The following PLBD2 variants were observed in gnomAD, a reference collection of about 807,000 sequenced individuals.
PLBD2 encodes putative aminopeptidase PLBD2.
A neutral mutation model predicts 68.3 loss-of-function variants in PLBD2; 51 were observed. The ratio of observed to expected loss-of-function variants is 0.75; its 90% CI spans 0.60 to 0.94. The LOEUF (loss-of-function observed/expected upper bound fraction) is 0.94, where lower values mean the gene tolerates loss of function less well. Ranked by LOEUF, PLBD2 falls within the 40% of genes least tolerant of loss-of-function variation. PLBD2 has a pLI of 0.00. For missense variants in PLBD2, 729 were observed against 792.2 expected, an observed-to-expected ratio of 0.92 and a Z score of 0.96; for synonymous variants, 314 against 339.3, an observed-to-expected ratio of 0.93 and a Z score of 0.82.
At chr12:113,387,630 G>C in intron 10 of PLBD2, 114 bp from the exon 11 acceptor site, 1 of 1,170,896 alleles carries the variant, frequency 8.5e-7, no homozygotes, top group Non-Finnish European at 1.2e-6. Flanking sequence ...AGTGGGAGGG[G>C]CTCATCAAGT....
chr12:113,366,119 G>T (rs1189873495), intron 1 of PLBD2, among the ~76,000 whole-genome samples: 1 of 152,142 alleles, frequency 6.6e-6, no homozygotes, highest in Non-Finnish European at 1.5e-5. Flanking sequence ...GCATTTTTGA[G>T]TCTTTCCCTC....
rs1313368611 is a variant in PLBD2, at chr12:113,384,959, G to T, written c.1214+13G>T. 6 of 1,605,798 alleles carry T rather than the reference G, an allele frequency of 3.7e-6. No homozygotes were observed. The highest frequency in any genetic ancestry group is 1.1e-5 in the South Asian group (1 of 90,172). On this transcript the variant is annotated intron_variant, in intron 8 of 11. Transcript: ENST00000280800. The surrounding 1 kb of genome is among the most constrained non-coding windows in gnomAD (Gnocchi z 4.2). Reference sequence around the variant, plus strand: ...TGGAGCAGATCCCGTGCGTACCCTGGGAGGGAGGGGTGGGGGCTCGGGGCA... The same window carrying T: ...TGGAGCAGATCCCGTGCGTACCCTGTGAGGGAGGGGTGGGGGCTCGGGGCA...
chr12:113,362,021 C>T (rs1236164286), intron 1 of PLBD2, among the ~76,000 whole-genome samples: 1 of 152,120 alleles, frequency 6.6e-6, no homozygotes, highest in East Asian at 1.9e-4. Flanking sequence ...TTTCTTTGAA[C>T]AATCACAGGA....
rs1230175305 is a variant in PLBD2, at chr12:113,384,534, T to C, written c.1118+269T>C. On this transcript the variant is annotated intron_variant, in intron 7 of 11. Coordinates refer to ENST00000280800, the MANE Select transcript of PLBD2 (RefSeq NM_173542.4). This position sits in a 1 kb window ranked among gnomAD's most constrained non-coding sequence, Gnocchi z 4.2. ...CTCTCAAGGGGACAGTGGGGAGGGCTGTTTGAGGAGGTGGACGTGGGTGGG... is the reference window on the plus strand; with the variant it reads ...CTCTCAAGGGGACAGTGGGGAGGGCCGTTTGAGGAGGTGGACGTGGGTGGG... 2.0e-5 allele frequency among the ~76,000 whole-genome samples: 3 copies of C among 152,036 alleles called. No individual in the cohort carries two copies. Among genetic ancestry groups the C allele is most frequent in the Non-Finnish European group, 4.4e-5 (3 of 67,988 alleles).
At position 113,374,526 on chromosome 12, in the gene PLBD2, G is replaced by C. The variant is rs757476461; in HGVS notation, c.596G>C (p.Arg199Pro). Residue 199 changes from arginine (R) to proline (P), a missense_variant, in exon 4 of 12, where the codon CGT (arginine) becomes CCT (proline). Physicochemically the swap from Arg to Pro is moderately radical, Grantham distance 103. Transcript: ENST00000280800. ...GGCCTGGAGGACAGCTACGAAGGCC[G>C]TGTGAGCTTCCCAGCTGGGAAGTTC... Reference protein sequence around the residue: ...LKGLEDSYEGRVSFPAGKFTI... With the variant: ...LKGLEDSYEGPVSFPAGKFTI... 2 of 1,606,618 alleles carry C rather than the reference G, an allele frequency of 1.2e-6. No homozygotes were observed. The highest frequency in any genetic ancestry group is 1.7e-6 in the Non-Finnish European group (2 of 1,177,172).
chr12:113,376,309 G>A (rs568570208), intron 5 of PLBD2, among the ~76,000 whole-genome samples: 9 of 151,768 alleles, frequency 5.9e-5, no homozygotes, highest in South Asian at 4.2e-4. Context: ...GATTATAGGC[G>A]CGCACCACTG....
intron 11 of PLBD2, 84 bp downstream of exon 11, chr12:113,387,990 G>C: frequency 6.7e-7 from 1 of 1,498,876 alleles, no homozygotes; most frequent in Non-Finnish European, 9.2e-7. Flanking sequence ...TTGGGGCAAA[G>C]CTGATGGCGG....
chr12:113,388,924 G>A lies in PLBD2; in HGVS notation c.*298G>A, dbSNP rs1004565083. ...TCTCAACCTCATTCCCACCTCTGGG[G>A]CCCCTTCCTCGTGCTTCTCCTTCCT... On this transcript the variant is annotated 3_prime_UTR_variant, in exon 12 of 12. Transcript: ENST00000280800. 1.4e-4 allele frequency: 37 copies of A among 259,294 alleles called. No homozygotes were observed. The highest frequency in any genetic ancestry group is 7.8e-4 in the African/African-American group (35 of 44,984). 16.1% of individuals were successfully genotyped at this position (259,294 alleles called of 1,614,324 possible).
Position 113,387,019 on chromosome 12 carries a change from C to T in PLBD2, c.1369C>T (p.Pro457Ser), listed in dbSNP as rs1380239057. 6.2e-7 allele frequency: 1 copy of T among 1,612,350 alleles called. No individual in the cohort carries two copies. The highest frequency in any genetic ancestry group is 1.1e-5 in the South Asian group (1 of 90,584). Residue 457 changes from proline to serine, a missense_variant, in exon 10 of 12, where the codon CCC (proline) becomes TCC (serine). Pro to Ser is a moderately conservative substitution (Grantham distance 74). Coordinates refer to ENST00000280800, the MANE Select transcript of PLBD2 (RefSeq NM_173542.4). ...GGACTGGTTTTCTTATGACGGGAGC[C>T]CCCGGGCCCAGATCTTCCGGCGGAA... The part of the protein sequence containing the change: ...YGDWFSYDGS[P>S]RAQIFRRNQS...
intron 1 of PLBD2, among the ~76,000 whole-genome samples, chr12:113,365,404 C>T (rs530562379): frequency 2.0e-5 from 3 of 151,776 alleles, no homozygotes; most frequent in Non-Finnish European, 4.4e-5. Context: ...TTACTGTAAC[C>T]TCCCGGGTTC....
At chr12:113,368,325 C>G (rs1593280919) in intron 1 of PLBD2, among the ~76,000 whole-genome samples, 1 of 152,316 alleles carries the variant, frequency 6.6e-6, no homozygotes, top group East Asian at 1.9e-4. Context: ...GCAGCTTAAA[C>G]CAACAACATT....
chr12:113,388,266 C>T (rs1415756557), intron 11 of PLBD2, among the ~76,000 whole-genome samples, 193 bp from the exon 12 acceptor site: 8 of 151,904 alleles, frequency 5.3e-5, no homozygotes, highest in African/African-American at 1.9e-4. Flanking sequence ...TGCTTGAACC[C>T]GGGAGGCAGA....
chr12:113,372,506 G>T lies in PLBD2; in HGVS notation c.385-143G>T. The stretch of plus-strand genomic sequence containing the variant: ...GGGGCAGAGCTGGGCAGGGAGAGGA[G>T]CCTCCAGGGAGAGGACAGCATGAGC... On this transcript the variant is annotated intron_variant, in intron 2 of 11. Transcript: ENST00000280800. The surrounding 1 kb of genome is among the most constrained non-coding windows in gnomAD (Gnocchi z 4.2). 1.1e-6 allele frequency: 1 copy of T among 890,550 alleles called. No homozygotes were observed. Among genetic ancestry groups the T allele is most frequent in the Non-Finnish European group, 1.7e-6 (1 of 583,210 alleles). 55.2% of individuals were successfully genotyped at this position (890,550 alleles called of 1,614,324 possible). A position where few individuals can be genotyped will look rare whatever the true frequency, so the allele number is the denominator to read the frequency against.
rs772064239 is a variant in PLBD2, at chr12:113,385,213, G to A, written c.1216G>A (p.Gly406Ser). ...RVLTILEQIPGMVVVADKTSE... is the reference protein window; with the variant it reads ...RVLTILEQIPSMVVVADKTSE... ...CCCCATCTCTCTTCTCGGTCTCAGC[G>A]GCATGGTGGTGGTGGCTGACAAGAC... is the stretch of plus-strand genomic sequence containing the variant. The change falls in exon 9 of 12, where the codon GGC becomes AGC. Residue 406 changes from glycine (G) to serine (S), a missense_variant and splice_region_variant. Physicochemically the swap from Gly to Ser is moderately conservative, Grantham distance 56 (BLOSUM62 0). Transcript: ENST00000280800. 1.1e-5 allele frequency: 18 copies of A among 1,614,126 alleles called. No individual in the cohort carries two copies. In the South Asian group the frequency reaches 1.3e-4, roughly 12 times the overall value.
At chr12:113,362,691 C>A (rs1413554759) in intron 1 of PLBD2, among the ~76,000 whole-genome samples, 4 of 151,790 alleles carry the variant, frequency 2.6e-5, no homozygotes, top group Non-Finnish European at 5.9e-5. Flanking sequence ...CAATATTTGT[C>A]AACCCCTGTC....
At chr12:113,374,163 G>C (rs1282127389) in intron 3 of PLBD2, among the ~76,000 whole-genome samples, 1 of 152,200 alleles carries the variant, frequency 6.6e-6, no homozygotes, top group Non-Finnish European at 1.5e-5. Flanking sequence ...AACAGGAGCA[G>C]TTGGCAAGAG....
intron 3 of PLBD2, among the ~76,000 whole-genome samples, chr12:113,373,405 A>G (rs1957406877): frequency 1.3e-5 from 2 of 152,178 alleles, no homozygotes; most frequent in South Asian, 4.1e-4. Flanking sequence ...GTGGCCATCA[A>G]TGCCTGTTAG....
Position 113,384,284 on chromosome 12 carries a change from C to T in PLBD2, c.1118+19C>T. The T allele has an allele frequency of 6.3e-7, 1 of 1,598,038 alleles. No individual in the cohort carries two copies. Among genetic ancestry groups the T allele is most frequent in the Non-Finnish European group, 8.5e-7 (1 of 1,170,960 alleles). ...GCGGCACGTGAGTGGGCTTCTGGCCCTGTGGCTTCCCCTGCACCAAGAGAT... is the reference window on the plus strand; with the variant it reads ...GCGGCACGTGAGTGGGCTTCTGGCCTTGTGGCTTCCCCTGCACCAAGAGAT... On this transcript the variant is annotated intron_variant, in intron 7 of 11. Coordinates refer to ENST00000280800, the MANE Select transcript of PLBD2 (RefSeq NM_173542.4). The surrounding 1 kb of genome is among the most constrained non-coding windows in gnomAD (Gnocchi z 4.2).
Position 113,368,172 on chromosome 12 carries a change from A to G in PLBD2, c.291-944A>G, listed in dbSNP as rs530600100. 6.2e-4 allele frequency among the ~76,000 whole-genome samples: 94 copies of G among 152,034 alleles called. 4 individuals are homozygous for G. Among genetic ancestry groups the G allele is most frequent in the Non-Finnish European group, 4.1e-4 (28 of 68,012 alleles). ...GCCTTCAGGTAACCTGCATATATAC[A>G]TCAGAGGTTGAGAAGTGCTCCTTCA... On this transcript the variant is annotated intron_variant, in intron 1 of 11. Coordinates refer to ENST00000280800, the MANE Select transcript of PLBD2 (RefSeq NM_173542.4).
Sources: gnomAD v4.1 joint callset for allele counts (sites outside exome capture counted in the v4.1 genomes callset) on GRCh38, gnomAD v4.1.1 for gene constraint, Gnocchi (gnomAD v3.1) non-coding constraint, MANE v1.5 for transcripts, NCBI Gene and HGNC (gene_info 2026-07-23, HGNC 2026-07-21) for gene names.